NUP160: variants seen among roughly 807,000 people sequenced by gnomAD.
NUP160 encodes the protein nucleoporin 160.
Under a neutral mutation model 196.9 loss-of-function variants are expected in NUP160, and 94 were observed. The ratio of observed to expected loss-of-function variants is 0.48; its 90% CI spans 0.40 to 0.57. The LOEUF (loss-of-function observed/expected upper bound fraction) is 0.57. Ranked by LOEUF, NUP160 falls within the 20% of genes least tolerant of loss-of-function variation. The pLI is 0.00. For synonymous variants in NUP160, 605 were observed against 619.7 expected (o/e 0.98, Z 0.35); for missense variants, 1,638 against 1,748.3 (o/e 0.94, Z 1.13).
At chr11:47,792,037 T>C (rs1204756929) in intron 28 of NUP160, 47 bp from the exon 29 acceptor site, 2 of 1,296,152 alleles carry the variant, frequency 1.5e-6, no homozygotes, top group Admixed American at 4.1e-5. Context: ...CAGTATTTTA[T>C]TCTGATATCA....
chr11:47,847,807 A>AC, intron 2 of NUP160, 41 bp downstream of exon 2: 1 of 1,424,168 alleles, frequency 7.0e-7, no homozygotes, highest in East Asian at 2.3e-5. Flanking sequence ...TATACACCAA[A>AC]CCCTACCTTC....
At chr11:47,829,450 C>A (rs1286345692) in intron 7 of NUP160, among the ~76,000 whole-genome samples, 1 of 152,118 alleles carries the variant, frequency 6.6e-6, no homozygotes, top group Non-Finnish European at 1.5e-5. Flanking sequence ...GGATTACAGG[C>A]ACGTGCCACC....
At chr11:47,826,564 C>CT (rs1167999823) in intron 7 of NUP160, among the ~76,000 whole-genome samples, 2 of 151,316 alleles carry the variant, frequency 1.3e-5, no homozygotes, top group East Asian at 1.9e-4. Context: ...TAAAAATCCC[C>CT]CCCCCCTTTT....
chr11:47,826,707 T>C (rs1851974842), intron 7 of NUP160, among the ~76,000 whole-genome samples: 2 of 151,934 alleles, frequency 1.3e-5, no homozygotes, highest in Admixed American at 1.3e-4. Context: ...GGATTAAAGA[T>C]GCCCGCCACC....
chr11:47,785,103 T>TTTTTTTTTTTTTTGAGACGG lies in NUP160; in HGVS notation c.3849-41_3849-40insCCGTCTCAAAAAAAAAAAAA. On this transcript the variant is annotated intron_variant, in intron 32 of 35. Transcript: ENST00000378460. The stretch of plus-strand genomic sequence containing the variant: ...AAATGACTAATGAGTTTCAGATTCT[T>TTTTTTTTTTTTTTGAGACGG]AATAGCTATTTAGAGTACCATTCAA... 29 of 1,086,522 alleles carry TTTTTTTTTTTTTTGAGACGG rather than the reference T, an allele frequency of 2.7e-5. 3 individuals carry two copies. Among genetic ancestry groups the TTTTTTTTTTTTTTGAGACGG allele is most frequent in the Middle Eastern group, 4.7e-4 (2 of 4,284 alleles). The allele number at this position is 1,086,522 out of a possible 1,614,324, so 67.3% of individuals were successfully genotyped here.
chr11:47,796,435 G>A, intron 27 of NUP160: 1 of 313,336 alleles, frequency 3.2e-6, no homozygotes, highest in East Asian at 4.7e-5. Context: ...AAAAAATCAT[G>A]ATGTCTTTAA....
rs2135404944 is a variant in NUP160 at position 47,842,324 on chromosome 11, T to G, written c.315-1736A>C. On this transcript the variant is annotated intron_variant, in intron 2 of 35. Coordinates refer to ENST00000378460, the Ensembl canonical transcript of NUP160. ...GTAAGTACCTTTTCAGCGCTGATGA[T>G]TTCCCAGAGCTACTTTGCTTCTGGT... 3.3e-5 allele frequency among the ~76,000 whole-genome samples: 5 copies of G among 152,268 alleles called. No homozygotes were observed. The South Asian group carries it at 1.0e-3, about 32-fold the overall frequency.
intron 6 of NUP160, among the ~76,000 whole-genome samples, chr11:47,836,235 G>A (rs1001836529): frequency 1.3e-5 from 2 of 152,080 alleles, no homozygotes; most frequent in Non-Finnish European, 2.9e-5. Context: ...GTGACAGAGC[G>A]AGACTCTGTT....
intron 22 of NUP160, among the ~76,000 whole-genome samples, chr11:47,802,155 G>A (rs919617403): frequency 2.6e-5 from 4 of 152,174 alleles, no homozygotes; most frequent in Non-Finnish European, 4.4e-5. Flanking sequence ...AACATTGGCC[G>A]GGTGGGGTGG....
intron 7 of NUP160, among the ~76,000 whole-genome samples, chr11:47,824,338 G>A (rs2135387590): frequency 6.6e-6 from 1 of 151,968 alleles, no homozygotes; most frequent in East Asian, 1.9e-4. Context: ...GGGTGCGGTG[G>A]CTCACACCTG....
At chr11:47,782,098 A>G (rs1366580927) in intron 34 of NUP160, among the ~76,000 whole-genome samples, 1 of 151,652 alleles carries the variant, frequency 6.6e-6, no homozygotes, top group Admixed American at 6.6e-5. Flanking sequence ...CCTGGCCAAC[A>G]TGGTGAAGCC....
At chr11:47,797,388 A>C (rs1234674836) in intron 27 of NUP160, among the ~76,000 whole-genome samples, 1 of 151,766 alleles carries the variant, frequency 6.6e-6, no homozygotes, top group Non-Finnish European at 1.5e-5. Flanking sequence ...ACAGGTGCCC[A>C]CCACCACATA....
At chr11:47,783,291 G>A (rs2135340382) in intron 33 of NUP160, 93 bp from the exon 34 acceptor site, 6 of 1,434,522 alleles carry the variant, frequency 4.2e-6, no homozygotes, top group South Asian at 2.8e-5. Flanking sequence ...CCTAACATTT[G>A]TATTTCTCAA....
chr11:47,819,341 A>G, intron 10 of NUP160, 33 bp downstream of exon 10: 1 of 1,403,088 alleles, frequency 7.1e-7, no homozygotes, highest in Non-Finnish European at 1.0e-6. Context: ...AAAGTAAATC[A>G]TTCCCTTATA....
intron 2 of NUP160, among the ~76,000 whole-genome samples, chr11:47,846,650 G>T (rs1396230499): frequency 6.6e-6 from 1 of 152,086 alleles, no homozygotes; most frequent in African/African-American, 2.4e-5. Context: ...TGAGCCACCA[G>T]CAACCCTTAC....
At chr11:47,810,793 A>C (rs1347089764) in intron 17 of NUP160, among the ~76,000 whole-genome samples, 2 of 151,902 alleles carry the variant, frequency 1.3e-5, no homozygotes, top group African/African-American at 4.8e-5. Flanking sequence ...TGATCTGCCC[A>C]CCTCAGCCTC....
At chr11:47,826,361 AAAAG>A (rs1851967748) in intron 7 of NUP160, among the ~76,000 whole-genome samples, 4 of 152,222 alleles carry the variant, frequency 2.6e-5, no homozygotes, top group Admixed American at 2.6e-4. Flanking sequence ...TAGCTGTCAA[AAAAG>A]TTATTCTGAT....
In NUP160 at chr11:47,779,119, GA is replaced by G. The variant is rs866971983; in HGVS notation, c.4296del (p.Arg1433ValfsTer36). The G allele has an allele frequency of 1.2e-6, 2 of 1,613,052 alleles. No homozygotes were observed. The highest frequency in any genetic ancestry group is 1.7e-5 in the Admixed American group (1 of 59,990). On this transcript the variant is annotated frameshift_variant, in exon 36 of 36. Transcript: ENST00000378460. LOFTEE classifies it high-confidence loss of function. ...GACAATCCAAATCACAAGGTCCGAC[GA>G]TATAATAAATCCCGTGTTGCCTTAT...
intron 10 of NUP160, among the ~76,000 whole-genome samples, chr11:47,818,538 T>C (rs1344678329): frequency 7.5e-6 from 1 of 133,072 alleles, no homozygotes; most frequent in Non-Finnish European, 1.8e-5. Flanking sequence ...AGGTATTATA[T>C]GCAAACAAAA....
Sources: gnomAD v4.1 joint callset for allele counts (sites outside exome capture counted in the v4.1 genomes callset) on GRCh38, gnomAD v4.1.1 for gene constraint, MANE v1.5 for transcripts, NCBI Gene and HGNC (gene_info 2026-07-23, HGNC 2026-07-21) for gene names.